VIPR2: variants seen among roughly 807,000 people sequenced by gnomAD.
VIPR2 encodes vasoactive intestinal polypeptide receptor 2.
Under a neutral mutation model 58.0 loss-of-function variants are expected in VIPR2, and 48 were observed. The observed-to-expected ratio is 0.83, with a 90% confidence interval of 0.66 to 1.05. The LOEUF (loss-of-function observed/expected upper bound fraction) is 1.05. Among genes scored for constraint, VIPR2 ranks in the 50% least tolerant of loss-of-function variants. VIPR2 has a pLI of 0.00. For synonymous variants in VIPR2, 243 were observed against 235.2 expected (o/e 1.03, Z -0.30); for missense variants, 534 against 558.0 (o/e 0.96, Z 0.43).
chr7:159,117,339 G>T, intron 2 of VIPR2: 1 of 717,500 alleles, frequency 1.4e-6, no homozygotes, highest in Non-Finnish European at 2.6e-6. Context: ...GAGCCAATGG[G>T]TAGGTATGTG....
intron 2 of VIPR2, among the ~76,000 whole-genome samples, chr7:159,122,036 T>C (rs918367234): frequency 3.3e-5 from 5 of 152,252 alleles, no homozygotes; most frequent in Admixed American, 1.3e-4. Context: ...ACCACTGTGC[T>C]AGCAACCGCA....
chr7:159,053,279 T>A (rs925980749), intron 5 of VIPR2, among the ~76,000 whole-genome samples: 2 of 151,980 alleles, frequency 1.3e-5, no homozygotes, highest in Non-Finnish European at 2.9e-5. Flanking sequence ...CTAAAATAAA[T>A]TTTTTCAAGA....
chr7:159,041,066 T>C (rs1051654800), intron 6 of VIPR2, among the ~76,000 whole-genome samples: 2 of 152,238 alleles, frequency 1.3e-5, no homozygotes, highest in Non-Finnish European at 2.9e-5. Flanking sequence ...ACCTGGGCTT[T>C]GGATCCCGAG....
chr7:159,087,882 T>G (rs1200135373), intron 4 of VIPR2, among the ~76,000 whole-genome samples: 1 of 151,972 alleles, frequency 6.6e-6, no homozygotes, highest in African/African-American at 2.4e-5. Context: ...AGGACTCGGA[T>G]AGTGAGATAC....
intron 4 of VIPR2, among the ~76,000 whole-genome samples, chr7:159,079,627 T>G (rs1856804623): frequency 6.6e-6 from 1 of 151,894 alleles, no homozygotes; most frequent in Admixed American, 6.5e-5. Flanking sequence ...AGAGCAGAAC[T>G]GAAGGAAATA....
At chr7:159,144,432 C>G in intron 1 of VIPR2, 1 of 1,547,700 alleles carries the variant, frequency 6.5e-7, no homozygotes. Context: ...ATCGTTGACG[C>G]GTCCAGGAAG....
chr7:159,109,009 CTT>C, intron 3 of VIPR2, among the ~76,000 whole-genome samples: 1 of 152,218 alleles, frequency 6.6e-6, no homozygotes, highest in East Asian at 1.9e-4. Context: ...GTCCCAATCT[CTT>C]TTCCAAAACT....
intron 4 of VIPR2, among the ~76,000 whole-genome samples, chr7:159,063,212 C>T (rs187964173): frequency 2.1e-4 from 32 of 152,168 alleles, no homozygotes; most frequent in Middle Eastern, 3.4e-3. Flanking sequence ...GGAGGCTAGA[C>T]GGTGCAGGAG....
intron 2 of VIPR2, among the ~76,000 whole-genome samples, chr7:159,136,263 CTCT>C (rs1208559907): frequency 1.3e-5 from 2 of 152,060 alleles, no homozygotes; most frequent in East Asian, 3.9e-4. Flanking sequence ...GCCCAGGTCT[CTCT>C]TCTTCTTATA....
intron 2 of VIPR2, among the ~76,000 whole-genome samples, chr7:159,113,511 GTT>G (rs1280264387): frequency 6.6e-6 from 1 of 151,930 alleles, no homozygotes; most frequent in East Asian, 1.9e-4. Flanking sequence ...TGTCTGAGGG[GTT>G]TTGTCTGCAG....
At chr7:159,110,029 C>T in intron 2 of VIPR2, 110 bp from the exon 3 acceptor site, 1 of 934,040 alleles carries the variant, frequency 1.1e-6, no homozygotes, top group East Asian at 2.6e-5. Context: ...GTGAAACACA[C>T]TTGCACCAAC....
rs538855427 is a variant in VIPR2 at position 159,097,879 on chromosome 7, T to A, written c.357+5878A>T. Among the ~76,000 whole-genome samples the A allele has an allele frequency of 2.3e-4, 35 of 152,296 alleles. No homozygotes were observed. The highest frequency in any genetic ancestry group is 8.4e-4 in the African/African-American group (35 of 41,570). Reference sequence around the variant, plus strand: ...GGGTGGGTTCTCAGGCCTGGACTGCTGAGGCCAAGGCTTCTGGCCTCTCGT... The same window carrying A: ...GGGTGGGTTCTCAGGCCTGGACTGCAGAGGCCAAGGCTTCTGGCCTCTCGT... On this transcript the variant is annotated intron_variant, in intron 4 of 12. Coordinates refer to ENST00000262178, the MANE Select transcript of VIPR2 (RefSeq NM_003382.5). This position sits in a 1 kb window ranked among gnomAD's most constrained non-coding sequence, Gnocchi z 5.3.
chr7:159,104,886 C>A (rs1326612107), intron 3 of VIPR2, among the ~76,000 whole-genome samples: 1 of 149,630 alleles, frequency 6.7e-6, no homozygotes, highest in Non-Finnish European at 1.5e-5. Flanking sequence ...GCCTGGCCTG[C>A]CCCAGTTCCT....
rs951891603 is a variant in VIPR2 at position 159,028,673 on chromosome 7, C to G, written c.*1943G>C. The G allele has an allele frequency of 2.0e-5, 3 of 152,442 alleles. No individual in the cohort carries two copies. The highest frequency in any genetic ancestry group is 4.4e-5 in the Non-Finnish European group (3 of 68,202). 9.4% of individuals were successfully genotyped at this position (152,442 alleles called of 1,614,324 possible). A position where few individuals can be genotyped will look rare whatever the true frequency, so the allele number is the denominator to read the frequency against. On this transcript the variant is annotated 3_prime_UTR_variant, in exon 13 of 13. Coordinates refer to ENST00000262178, the MANE Select transcript of VIPR2 (RefSeq NM_003382.5). ...TGGGGGTGGGTCTGTCCAAACCCTA[C>G]AGGGGAGGAACAGCCGAGGGGCCGC... is the stretch of plus-strand genomic sequence containing the variant.
Position 159,030,744 on chromosome 7 carries a change from G to C in VIPR2, c.1189C>G (p.Pro397Ala). ...KRKWRSRCPT[P>A]SASRDYRVCG... Reference sequence around the variant, plus strand: ...ACCCTGTAATCCCGGCTCGCGGACGGGGTCGGGCACCGGCTTCGCCATTTT... The same window carrying C: ...ACCCTGTAATCCCGGCTCGCGGACGCGGTCGGGCACCGGCTTCGCCATTTT... Residue 397 changes from proline to alanine, a missense_variant, in exon 13 of 13, where the codon CCG (proline) becomes GCG (alanine). Physicochemically the swap from Pro to Ala is conservative, Grantham distance 27 (BLOSUM62 -1). Around this residue, in one of 3 missense-constraint regions of VIPR2, gnomAD observed 306 missense variants for 285.8 expected, o/e 1.07. Coordinates refer to ENST00000262178, the MANE Select transcript of VIPR2 (RefSeq NM_003382.5). 1 of 1,591,072 alleles carries C rather than the reference G, an allele frequency of 6.3e-7. No individual in the cohort carries two copies. The highest frequency in any genetic ancestry group is 8.5e-7 in the Non-Finnish European group (1 of 1,170,746).
intron 6 of VIPR2, among the ~76,000 whole-genome samples, chr7:159,039,413 GGT>G (rs1273761907): frequency 6.6e-6 from 1 of 152,184 alleles, no homozygotes; most frequent in Non-Finnish European, 1.5e-5. Context: ...GGGAGGTGGA[GGT>G]TGCAGTGAGC....
Position 159,144,750 on chromosome 7 carries a change from C to T in VIPR2, c.22G>A (p.Ala8Thr). The T allele has an allele frequency of 1.5e-6, 2 of 1,292,336 alleles. No individual in the cohort carries two copies. Among genetic ancestry groups the T allele is most frequent in the East Asian group, 6.3e-5 (2 of 31,924 alleles). 80.1% of individuals were successfully genotyped at this position (1,292,336 alleles called of 1,614,324 possible). Residue 8 changes from alanine (A) to threonine (T), a missense_variant, in exon 1 of 13, where the codon GCG (alanine) becomes ACG (threonine). By Grantham distance (58) the Ala-to-Thr change is moderately conservative (BLOSUM62 0). Transcript: ENST00000262178. MRTLLPP[A>T]LLTCWLLAPV... ...GCGAGCAGCCAGCAGGTCAGCAGCGCGGGAGGCAGCAGCGTCCGCATCCCG... is the reference window on the plus strand; with the variant it reads ...GCGAGCAGCCAGCAGGTCAGCAGCGTGGGAGGCAGCAGCGTCCGCATCCCG...
At chr7:159,054,167 C>A (rs1331999058) in intron 5 of VIPR2, among the ~76,000 whole-genome samples, 1 of 152,172 alleles carries the variant, frequency 6.6e-6, no homozygotes, top group Non-Finnish European at 1.5e-5. Flanking sequence ...ACACTGAAAG[C>A]CCTAAAGAAA....
At chr7:159,062,762 T>G (rs919682744) in intron 4 of VIPR2, among the ~76,000 whole-genome samples, 20 of 152,196 alleles carry the variant, frequency 1.3e-4, no homozygotes, top group Non-Finnish European at 2.8e-4. Context: ...CTCTACAGGC[T>G]CCGGCCGCCT....
Sources: gnomAD v4.1 joint callset for allele counts (sites outside exome capture counted in the v4.1 genomes callset) on GRCh38, gnomAD v4.1.1 for gene constraint, gnomAD v4.1.1 regional missense constraint, Gnocchi (gnomAD v3.1) non-coding constraint, MANE v1.5 for transcripts, NCBI Gene and HGNC (gene_info 2026-07-23, HGNC 2026-07-21) for gene names.